The following GAS7 variants were observed in gnomAD, a reference collection of about 807,000 sequenced individuals.
GAS7 encodes growth arrest specific 7, also known as growth arrest-specific protein 7.
Under a neutral mutation model 71.1 loss-of-function variants are expected in GAS7, and 28 were observed. That is an observed-to-expected ratio of 0.39 (90% confidence interval 0.29 to 0.54). GAS7 has a LOEUF of 0.54. GAS7 is among the 20% of genes least tolerant of loss of function. The pLI is 0.62. For missense variants in GAS7, 436 were observed against 627.8 expected, an observed-to-expected ratio of 0.69 and a Z score of 3.27; for synonymous variants, 258 against 245.8, an observed-to-expected ratio of 1.05 and a Z score of -0.46.
chr17:10,131,449 C>A (rs1274582232), intron 1 of GAS7, among the ~76,000 whole-genome samples: 1 of 152,156 alleles, frequency 6.6e-6, no homozygotes, highest in Non-Finnish European at 1.5e-5. Flanking sequence ...ATGGCAAAAC[C>A]CTGTCTCTAC....
chr17:10,019,853 C>T lies in GAS7; in HGVS notation c.228G>A (p.Thr76=), dbSNP rs750059886. The T allele has an allele frequency of 6.2e-6, 10 of 1,613,658 alleles. No individual in the cohort carries two copies. Among genetic ancestry groups the T allele is most frequent in the African/African-American group, 5.3e-5 (4 of 74,918 alleles). Residue 76 remains threonine, a synonymous_variant, in exon 2 of 14, where the codon ACG becomes ACA. Coordinates refer to ENST00000432992, the MANE Select transcript of GAS7 (RefSeq NM_201433.2). ...VPPPPGEESQ[T]VILPPGWQSY... is the part of the protein sequence containing the mutation. ...TCTGCCAGCCAGGTGGAAGGATGACCGTCTGGCTTTCTTCTCCCGGCGGAG... is the reference window on the plus strand; with the variant it reads ...TCTGCCAGCCAGGTGGAAGGATGACTGTCTGGCTTTCTTCTCCCGGCGGAG...
At chr17:10,120,509 G>A (rs1018163787) in intron 1 of GAS7, among the ~76,000 whole-genome samples, 7 of 152,138 alleles carry the variant, frequency 4.6e-5, no homozygotes, top group African/African-American at 1.7e-4. Flanking sequence ...TCAGGAGTTC[G>A]AGACCAGCCT....
rs376163193 is a variant in GAS7 at position 9,996,678 on chromosome 17, G to A, written c.305-14794C>T. On this transcript the variant is annotated intron_variant, in intron 2 of 13. Coordinates refer to ENST00000432992, the MANE Select transcript of GAS7 (RefSeq NM_201433.2). ...TTTTGAGACAGAGGCTCGCTCTGTC[G>A]CCCAGGCTGAAGTACAGTGGCGTGA... 8.9e-4 allele frequency among the ~76,000 whole-genome samples: 134 copies of A among 149,788 alleles called. 1 individual carries two copies. Among genetic ancestry groups the A allele is most frequent in the East Asian group, 2.4e-3 (12 of 5,102 alleles).
At chr17:10,155,519 A>G (rs2953456) in intron 1 of GAS7, among the ~76,000 whole-genome samples, 116,106 of 152,040 alleles carry the variant, frequency 0.76, 45,303 homozygotes, top group African/African-American at 0.93. Flanking sequence ...CTGTCTCTGC[A>G]GCAAATGGCC....
intron 1 of GAS7, among the ~76,000 whole-genome samples, chr17:10,177,190 G>A (rs2074379384): frequency 6.6e-6 from 1 of 152,194 alleles, no homozygotes; most frequent in East Asian, 1.9e-4. Flanking sequence ...GCCACACAGA[G>A]GAAGGGGTCC....
chr17:10,141,796 C>A (rs2074083353), intron 1 of GAS7, among the ~76,000 whole-genome samples: 1 of 152,150 alleles, frequency 6.6e-6, no homozygotes. Context: ...AAGGGTTAAA[C>A]TTTTACATTT....
intron 4 of GAS7, among the ~76,000 whole-genome samples, chr17:9,968,824 T>C (rs1031899660): frequency 6.6e-6 from 1 of 152,234 alleles, no homozygotes; most frequent in African/African-American, 2.4e-5. Flanking sequence ...ACATCATCAA[T>C]ATTATCATCA....
intron 2 of GAS7, among the ~76,000 whole-genome samples, chr17:10,011,407 A>G (rs2071766674): frequency 6.6e-6 from 1 of 152,180 alleles, no homozygotes; most frequent in South Asian, 2.1e-4. Context: ...GACAAGACAG[A>G]GGTGAGTAGA....
At chr17:9,928,077 TTTTG>T (rs1182846958) in intron 9 of GAS7, among the ~76,000 whole-genome samples, 7 of 152,072 alleles carry the variant, frequency 4.6e-5, no homozygotes, top group African/African-American at 1.7e-4. Context: ...AATTTGTTCC[TTTTG>T]TTTGTGAGCA....
intron 1 of GAS7, among the ~76,000 whole-genome samples, chr17:10,048,877 A>G (rs1468540404): frequency 6.6e-6 from 1 of 152,208 alleles, no homozygotes; most frequent in African/African-American, 2.4e-5. Context: ...CCAATGCAAA[A>G]ATCCAGAGAA....
chr17:10,169,976 C>T (rs1597832981), intron 1 of GAS7, among the ~76,000 whole-genome samples: 1 of 152,202 alleles, frequency 6.6e-6, no homozygotes, highest in Non-Finnish European at 1.5e-5. Context: ...AACCTTGAAA[C>T]TCGCTTTGAG....
rs1477722527 is a variant in GAS7 at position 9,918,114 on chromosome 17, A to G, written c.1219-15T>C. On this transcript the variant is annotated splice_polypyrimidine_tract_variant and intron_variant, in intron 12 of 13. Transcript: ENST00000432992. ...CGCTCTAGCTCCTGCCGAGAAAGCA[A>G]AGGCCAGAGAACTCTGAGCACGTCC... 3 of 1,598,386 alleles carry G rather than the reference A, an allele frequency of 1.9e-6. No homozygotes were observed. Among genetic ancestry groups the G allele is most frequent in the South Asian group, 2.2e-5 (2 of 90,722 alleles).
chr17:10,156,022 T>C (rs776390594), intron 1 of GAS7, among the ~76,000 whole-genome samples: 21 of 152,222 alleles, frequency 1.4e-4, no homozygotes, highest in African/African-American at 2.2e-4. Flanking sequence ...GCAACTGACT[T>C]CCTTACTTGT....
chr17:10,073,130 C>A (rs968658034), intron 1 of GAS7, among the ~76,000 whole-genome samples: 2 of 152,146 alleles, frequency 1.3e-5, no homozygotes, highest in African/African-American at 4.8e-5. Context: ...CGTGGCACAG[C>A]CAGAGAACAG....
At chr17:10,176,460 C>A (rs1409102157) in intron 1 of GAS7, among the ~76,000 whole-genome samples, 2 of 152,252 alleles carry the variant, frequency 1.3e-5, no homozygotes, top group Non-Finnish European at 1.5e-5. Flanking sequence ...CCTTCAAAAT[C>A]CTTCCAGTCA....
intron 1 of GAS7, among the ~76,000 whole-genome samples, chr17:10,168,588 C>G (rs1282585578): frequency 6.6e-6 from 1 of 152,214 alleles, no homozygotes; most frequent in Non-Finnish European, 1.5e-5. Context: ...ATGTTGTTAG[C>G]ACCTCAGAAC....
chr17:10,198,034 C>A (rs1158482667), intron 1 of GAS7, among the ~76,000 whole-genome samples, 174 bp downstream of exon 1: 1 of 152,174 alleles, frequency 6.6e-6, no homozygotes, highest in East Asian at 1.9e-4. Context: ...GAGGGGCGCC[C>A]GCTGCCGTCG....
At chr17:10,049,216 G>A (rs969519430) in intron 1 of GAS7, among the ~76,000 whole-genome samples, 2 of 152,264 alleles carry the variant, frequency 1.3e-5, no homozygotes, top group African/African-American at 2.4e-5. Flanking sequence ...CATTTTCTTC[G>A]CCGTGGAACT....
intron 1 of GAS7, among the ~76,000 whole-genome samples, chr17:10,091,451 G>C (rs2073580869): frequency 1.3e-5 from 2 of 152,074 alleles, no homozygotes; most frequent in Non-Finnish European, 2.9e-5. Flanking sequence ...ACGGTGGTGG[G>C]ATCTCAGCTC....
Sources: allele counts gnomAD v4.1 joint callset (sites outside exome capture counted in the v4.1 genomes callset), GRCh38; gene constraint gnomAD v4.1.1; transcripts MANE v1.5; gene names NCBI Gene and HGNC (gene_info 2026-07-23, HGNC 2026-07-21).